Variants in GRM5 observed in about 807,000 individuals in gnomAD.
GRM5 encodes metabotropic glutamate receptor 5.
In GRM5, 19 loss-of-function variants were observed where a neutral mutation model predicts 83.1. That is an observed-to-expected ratio of 0.23 (90% CI 0.16 to 0.34). GRM5 has a LOEUF of 0.34. Ranked by LOEUF, GRM5 falls within the 10% of genes least tolerant of loss-of-function variation. The pLI, the probability that GRM5 is intolerant of heterozygous loss-of-function variation, is 1.00. For synonymous variants in GRM5, 675 were observed against 633.6 expected (o/e 1.07, Z -0.98); for missense variants, 1,160 against 1,588.3 (o/e 0.73, Z 4.58).
chr11:89,052,640 T>C (rs1941785425), intron 1 of GRM5, among the ~76,000 whole-genome samples: 1 of 152,090 alleles, frequency 6.6e-6, no homozygotes, highest in African/African-American at 2.4e-5. Context: ...TAGGTACAGG[T>C]TGAACAACCC....
intron 3 of GRM5, among the ~76,000 whole-genome samples, chr11:88,781,133 A>ATATATATATG (rs1942967308): frequency 5.3e-5 from 1 of 18,834 alleles, no homozygotes; most frequent in Non-Finnish European, 2.3e-4. Context: ...ATATGTATAT[A>ATATATATATG]TATATATATA....
At chr11:88,837,442 G>A (rs1301335499) in intron 3 of GRM5, among the ~76,000 whole-genome samples, 1 of 152,160 alleles carries the variant, frequency 6.6e-6, no homozygotes, top group Non-Finnish European at 1.5e-5. Context: ...ATTAATACAT[G>A]AAGATCAACC....
chr11:88,612,317 A>G (rs1288174923), intron 4 of GRM5, among the ~76,000 whole-genome samples: 1 of 149,696 alleles, frequency 6.7e-6, no homozygotes, highest in Non-Finnish European at 1.5e-5. Flanking sequence ...TTATGGCTGC[A>G]TAGTATTCCA....
At chr11:88,725,927 GA>G (rs977505027) in intron 3 of GRM5, among the ~76,000 whole-genome samples, 3 of 152,058 alleles carry the variant, frequency 2.0e-5, no homozygotes, top group Admixed American at 1.3e-4. Flanking sequence ...ACGAAGATGA[GA>G]AAAAAACAGT....
intron 2 of GRM5, among the ~76,000 whole-genome samples, chr11:88,869,607 C>T (rs1449670800): frequency 6.6e-6 from 1 of 151,452 alleles, no homozygotes; most frequent in Non-Finnish European, 1.5e-5. Flanking sequence ...CTTCAACCCC[C>T]AACCTCAGTT....
chr11:88,864,351 G>A, intron 2 of GRM5, among the ~76,000 whole-genome samples: 1 of 151,840 alleles, frequency 6.6e-6, no homozygotes, highest in East Asian at 1.9e-4. Context: ...TGGCGCTCCA[G>A]AAGGATACAA....
chr11:88,947,510 T>C (rs1233332785), intron 2 of GRM5, among the ~76,000 whole-genome samples: 2 of 152,102 alleles, frequency 1.3e-5, no homozygotes, highest in African/African-American at 2.4e-5. Flanking sequence ...GTGTTCTTTT[T>C]ACCATTGCGT....
intron 2 of GRM5, among the ~76,000 whole-genome samples, chr11:89,029,152 T>C (rs1202151200): frequency 2.0e-5 from 3 of 152,262 alleles, no homozygotes; most frequent in Non-Finnish European, 4.4e-5. Flanking sequence ...GGTTTATATG[T>C]GCCACATTTT....
intron 2 of GRM5, among the ~76,000 whole-genome samples, chr11:88,953,744 G>GAA (rs5793366): frequency 3.3e-5 from 5 of 151,942 alleles, no homozygotes; most frequent in African/African-American, 4.8e-5. Flanking sequence ...AATTTATGGT[G>GAA]AAAAAAATCA....
intron 3 of GRM5, among the ~76,000 whole-genome samples, chr11:88,757,155 G>A (rs10765746): frequency 0.99 from 150,426 of 152,274 alleles, 74,325 homozygotes; most frequent in East Asian, 1. Flanking sequence ...GCAGTCAAAG[G>A]AAAAAAAACC....
At chr11:88,593,097 C>T (rs1937684007) in intron 6 of GRM5, among the ~76,000 whole-genome samples, 1 of 152,098 alleles carries the variant, frequency 6.6e-6, no homozygotes, top group African/African-American at 2.4e-5. Flanking sequence ...TGAAATTATA[C>T]TCATGAGCCA....
intron 2 of GRM5, among the ~76,000 whole-genome samples, chr11:88,895,453 C>A (rs536228011): frequency 8.6e-5 from 13 of 151,894 alleles, no homozygotes; most frequent in African/African-American, 3.1e-4. Context: ...GGAACAATAA[C>A]CATGATCATA....
chr11:88,539,718 A>G (rs1565330206), intron 8 of GRM5, among the ~76,000 whole-genome samples: 1 of 152,104 alleles, frequency 6.6e-6, no homozygotes, highest in Non-Finnish European at 1.5e-5. Context: ...ATCTGGACCT[A>G]CCTCCATCTG....
intron 4 of GRM5, among the ~76,000 whole-genome samples, chr11:88,612,111 T>TC (rs946114264): frequency 9.8e-6 from 1 of 101,526 alleles, no homozygotes; most frequent in Non-Finnish European, 2.0e-5. Context: ...ATGCTATCCC[T>TC]CCCCCCTCCC....
At chr11:88,786,389 A>G (rs1246539799) in intron 3 of GRM5, among the ~76,000 whole-genome samples, 3 of 152,148 alleles carry the variant, frequency 2.0e-5, no homozygotes, top group African/African-American at 7.2e-5. Context: ...CTTTGCCATG[A>G]CTTGATATAA....
intron 4 of GRM5, among the ~76,000 whole-genome samples, chr11:88,632,037 T>C (rs1197204238): frequency 6.6e-6 from 1 of 152,064 alleles, no homozygotes; most frequent in Non-Finnish European, 1.5e-5. Flanking sequence ...ACTGAACACT[T>C]TGATAAGTTT....
chr11:88,609,469 G>T (rs1240698644), intron 4 of GRM5, among the ~76,000 whole-genome samples: 1 of 152,094 alleles, frequency 6.6e-6, no homozygotes, highest in Non-Finnish European at 1.5e-5. Context: ...ACAGCACTGT[G>T]ATGAACATAT....
intron 3 of GRM5, among the ~76,000 whole-genome samples, chr11:88,721,199 C>CA (rs1188104129): frequency 6.6e-6 from 1 of 152,030 alleles, no homozygotes; most frequent in Admixed American, 6.6e-5. Context: ...GCACACTCAA[C>CA]AATCGTTGGC....
intron 2 of GRM5, among the ~76,000 whole-genome samples, chr11:88,865,569 T>C (rs1944648354): frequency 6.6e-6 from 1 of 151,628 alleles, no homozygotes; most frequent in Non-Finnish European, 1.5e-5. Context: ...TGGGATCTAA[T>C]CAAACTAAAG....
Sources: gnomAD v4.1 joint callset for allele counts (sites outside exome capture counted in the v4.1 genomes callset) on GRCh38, gnomAD v4.1.1 for gene constraint, MANE v1.5 for transcripts, NCBI Gene and HGNC (gene_info 2026-07-23, HGNC 2026-07-21) for gene names.